The following CPSF1 variants were observed in gnomAD, a reference collection of about 807,000 sequenced individuals.
CPSF1 encodes cleavage and polyadenylation specific factor 1, also known as cleavage and polyadenylation specificity factor subunit 1.
A neutral mutation model predicts 175.8 loss-of-function variants in CPSF1; 106 were observed. The observed-to-expected ratio is 0.60, with a 90% CI of 0.52 to 0.71. CPSF1 has a LOEUF of 0.71. Among genes scored for constraint, CPSF1 ranks in the 30% least tolerant of loss-of-function variants. The pLI is 0.00. For missense variants in CPSF1, 1,734 were observed against 2,022.9 expected (o/e 0.86, Z 2.74); for synonymous variants, 1,024 against 858.3 (o/e 1.19, Z -3.37).
chr8:144,393,988 C>A lies in CPSF1; in HGVS notation c.3910G>T (p.Val1304Leu), dbSNP rs782548508. 1.3e-5 allele frequency: 21 copies of A among 1,613,378 alleles called. No individual in the cohort carries two copies. Among genetic ancestry groups the A allele is most frequent in the African/African-American group, 2.7e-5 (2 of 74,934 alleles). Residue 1304 changes from valine to leucine, a missense_variant, in exon 35 of 38, where the codon GTG becomes TTG. Val to Leu is a conservative substitution (Grantham distance 32, BLOSUM62 1). This residue lies in a region of CPSF1 where 323 missense variants were observed against 338.5 expected (regional missense o/e 0.95). Coordinates refer to ENST00000616140, the MANE Select transcript of CPSF1 (RefSeq NM_013291.3). ...CAGAACGTGTTCACGTGGGCACCCACGTGGAAGTCTGCCCGACGCAGCAGG... is the reference window on the plus strand; with the variant it reads ...CAGAACGTGTTCACGTGGGCACCCAAGTGGAAGTCTGCCCGACGCAGCAGG... The part of the protein sequence containing the change: ...MRLLRRADFH[V>L]GAHVNTFWRT...
intron 2 of CPSF1, among the ~76,000 whole-genome samples, chr8:144,403,478 G>C (rs187762926): frequency 1.1e-4 from 16 of 152,122 alleles, no homozygotes; most frequent in Non-Finnish European, 2.2e-4. Flanking sequence ...CGACCTCCTG[G>C]GCTTAGGTGA....
At chr8:144,402,451 C>CAT (rs1564696761) in intron 2 of CPSF1, among the ~76,000 whole-genome samples, 1 of 152,084 alleles carries the variant, frequency 6.6e-6, no homozygotes, top group East Asian at 1.9e-4. Flanking sequence ...ATTACAGGTG[C>CAT]GTGCCACCAT....
Position 144,399,062 on chromosome 8 carries a change from A to G in CPSF1, c.1468-24T>C. 6.4e-7 allele frequency: 1 copy of G among 1,557,864 alleles called. No homozygotes were observed. The highest frequency in any genetic ancestry group is 8.7e-7 in the Non-Finnish European group (1 of 1,151,148). On this transcript the variant is annotated intron_variant, in intron 15 of 37. Transcript: ENST00000616140. The surrounding 1 kb of genome is among the most constrained non-coding windows in gnomAD (Gnocchi z 6.4). ...AACTGCACAGGACTCGGGGGTGAGG[A>G]CTATGCCCCCCACCCCCCCTCACAC...
chr8:144,407,343 G>A (rs1358579761), intron 2 of CPSF1, among the ~76,000 whole-genome samples: 1 of 151,680 alleles, frequency 6.6e-6, no homozygotes, highest in East Asian at 1.9e-4. Context: ...GGCCTCCCAT[G>A]TAGCTAGGAC....
Position 144,400,139 on chromosome 8 carries a change from C to CCA in CPSF1, c.937+26_937+27insTG, listed in dbSNP as rs1554866060. ...GCAGGCCCAAGCCGTCCCCGGGCCC[C>CCA]CCCCGCCCCAGCCACCCCACACTCA... On this transcript the variant is annotated intron_variant, in intron 9 of 37. Coordinates refer to ENST00000616140, the MANE Select transcript of CPSF1 (RefSeq NM_013291.3). 28 of 1,221,768 alleles carry CCA rather than the reference C, an allele frequency of 2.3e-5. 1 individual carries two copies. Among genetic ancestry groups the CCA allele is most frequent in the East Asian group, 2.1e-4 (8 of 38,846 alleles). The allele number at this position is 1,221,768 out of a possible 1,614,324, so 75.7% of individuals were successfully genotyped here. A position where few individuals can be genotyped will look rare whatever the true frequency, so the allele number is the denominator to read the frequency against.
chr8:144,400,135 G>GGGGGGGGGCC, intron 9 of CPSF1, 31 bp downstream of exon 9: 3 of 896,004 alleles, frequency 3.3e-6, no homozygotes, highest in Non-Finnish European at 4.8e-6. Context: ...CCGTCCCCGG[G>GGGGGGGGGCC]CCCCCCCCGC....
At chr8:144,408,597 T>C (rs563619363) in intron 2 of CPSF1, among the ~76,000 whole-genome samples, 1 of 152,166 alleles carries the variant, frequency 6.6e-6, no homozygotes, top group Middle Eastern at 3.2e-3. Flanking sequence ...AAATACACAG[T>C]CTCCTTCCTT....
chr8:144,404,202 G>T (rs1267821228), intron 2 of CPSF1, among the ~76,000 whole-genome samples: 5 of 151,822 alleles, frequency 3.3e-5, no homozygotes, highest in African/African-American at 4.8e-5. Context: ...CAGCCTGGGG[G>T]ACAAGAGAGA....
At position 144,397,886 on chromosome 8, in the gene CPSF1, G is replaced by A. The variant is rs1820871649; in HGVS notation, c.2074-7C>T. The A allele has an allele frequency of 1.9e-6, 3 of 1,602,218 alleles. No homozygotes were observed. Among genetic ancestry groups the A allele is most frequent in the African/African-American group, 2.7e-5 (2 of 74,768 alleles). On this transcript the variant is annotated splice_region_variant and splice_polypyrimidine_tract_variant and intron_variant, in intron 20 of 37. Coordinates refer to ENST00000616140, the MANE Select transcript of CPSF1 (RefSeq NM_013291.3). ...GCGTAATCACCTTGGACTGCTGCGG[G>A]GAGAGGGGTGGGCTCAGCGGCGGGC...
chr8:144,397,116 G>C, intron 23 of CPSF1, 91 bp downstream of exon 23: 4 of 1,283,600 alleles, frequency 3.1e-6, no homozygotes, highest in Non-Finnish European at 4.3e-6. Flanking sequence ...TGGGGGAGAT[G>C]GGGTGGAGCC....
At chr8:144,397,010 G>A (rs1329051189) in intron 23 of CPSF1, 81 bp from the exon 24 acceptor site, 1 of 1,123,486 alleles carries the variant, frequency 8.9e-7, no homozygotes, top group East Asian at 2.5e-5. Context: ...GGTGGGCTGT[G>A]GGTAAGGGGC....
At position 144,394,668 on chromosome 8, in the gene CPSF1, G is replaced by A; in HGVS notation, c.3543C>T (p.His1181=). The A allele has an allele frequency of 1.2e-6, 2 of 1,610,588 alleles. No homozygotes were observed. Among genetic ancestry groups the A allele is most frequent in the Middle Eastern group, 1.6e-4 (1 of 6,062 alleles). Residue 1181 remains histidine, a synonymous_variant, in exon 31 of 38, where the codon CAC becomes CAT. Coordinates refer to ENST00000616140, the MANE Select transcript of CPSF1 (RefSeq NM_013291.3). The stretch of plus-strand genomic sequence containing the variant: ...CCTTCTGGCCGATGGCCGACACCAG[G>A]TGGCCATTGCAGTGGCACAGGGCGG... ...PVTALCHCNG[H]LVSAIGQKIF...
In CPSF1 at chr8:144,393,271, GGGGT is replaced by G; in HGVS notation, c.*43_*46del. The G allele has an allele frequency of 6.9e-7, 1 of 1,458,198 alleles. No homozygotes were observed. Among genetic ancestry groups the G allele is most frequent in the Non-Finnish European group, 9.1e-7 (1 of 1,096,426 alleles). 90.3% of individuals were successfully genotyped at this position (1,458,198 alleles called of 1,614,324 possible). ...TTTTCCTTGTGTTTTGTACAAAAAG[GGGGT>G]GGGAGGTAGTTCCGTGTGCTGGTGG... On this transcript the variant is annotated 3_prime_UTR_variant, in exon 38 of 38. Transcript: ENST00000616140.
In CPSF1 at chr8:144,398,614, T is replaced by C; in HGVS notation, c.1663A>G (p.Thr555Ala). The C allele has an allele frequency of 6.2e-7, 1 of 1,613,902 alleles. No homozygotes were observed. Among genetic ancestry groups the C allele is most frequent in the Non-Finnish European group, 8.5e-7 (1 of 1,179,998 alleles). ...GGGGTGGTGCTGGGTTCCTGCTCTG[T>C]GCCCTCCCCCTTGGGATTGTCCTCC... ...EEEDNPKGEG[T>A]EQEPSTTPEA... Residue 555 changes from threonine (T) to alanine (A), a missense_variant, in exon 18 of 38, where the codon ACA becomes GCA. Physicochemically the swap from Thr to Ala is moderately conservative, Grantham distance 58 (BLOSUM62 0). This residue lies in a region of CPSF1 where 280 missense variants were observed against 349.2 expected (regional missense o/e 0.80). Transcript: ENST00000616140.
Position 144,394,946 on chromosome 8 carries a change from A to C in CPSF1, c.3350T>G (p.Leu1117Arg). 2 of 1,612,940 alleles carry C rather than the reference A, an allele frequency of 1.2e-6. No individual in the cohort carries two copies. The highest frequency in any genetic ancestry group is 2.2e-5 in the East Asian group (1 of 44,880). The change falls in exon 30 of 38, where the codon CTC (leucine) becomes CGC (arginine). Residue 1117 changes from leucine (L) to arginine (R), a missense_variant. By Grantham distance (102) the Leu-to-Arg change is moderately radical. Transcript: ENST00000616140. ...GGTCCCGGCGGCCACGTAGCCTTTG[A>C]GGCCCGACACGGTCTCCTCACTGCG... is the stretch of plus-strand genomic sequence containing the variant. The part of the protein sequence containing the change: ...SLRSEETVSG[L>R]KGYVAAGTCL...
chr8:144,395,643 C>T, intron 26 of CPSF1, 92 bp from the exon 27 acceptor site: 2 of 1,107,428 alleles, frequency 1.8e-6, no homozygotes, highest in East Asian at 2.5e-5. Context: ...GGATGTTGCC[C>T]TCAGCTCTGT....
chr8:144,408,933 C>A, intron 2 of CPSF1, 82 bp downstream of exon 2: 1 of 1,525,980 alleles, frequency 6.6e-7, no homozygotes, highest in Non-Finnish European at 8.9e-7. Flanking sequence ...TTGTCTGGGG[C>A]TTGGCTCTTC....
rs2116852514 is a variant in CPSF1 at position 144,398,573 on chromosome 8, G to T, written c.1704C>A (p.Asp568Glu). 6.2e-7 allele frequency: 1 copy of T among 1,613,582 alleles called. No individual in the cohort carries two copies. Among genetic ancestry groups the T allele is most frequent in the African/African-American group, 1.3e-5 (1 of 74,856 alleles). The change falls in exon 18 of 38, where the codon GAC becomes GAA. Residue 568 changes from aspartate (D) to glutamate (E), a missense_variant. By Grantham distance (45) the Asp-to-Glu change is conservative (BLOSUM62 2). Around this residue, in one of 10 missense-constraint regions of CPSF1, gnomAD observed 280 missense variants for 349.2 expected, o/e 0.80. Transcript: ENST00000616140. ...EPSTTPEADDDGRRHGFLILS... is the reference protein window; with the variant it reads ...EPSTTPEADDEGRRHGFLILS... ...GAATCAGGAATCCGTGTCTGCGGCC[G>T]TCGTCGTCTGCTTCAGGGGTGGTGC... is the stretch of plus-strand genomic sequence containing the variant.
rs2116909007 is a variant in CPSF1, at chr8:144,407,630, C to T, written c.144+1385G>A. On this transcript the variant is annotated intron_variant, in intron 2 of 37. Coordinates refer to ENST00000616140, the MANE Select transcript of CPSF1 (RefSeq NM_013291.3). ...ACAAGAATTGCCTGAACCCACGAGG[C>T]GGAGGTTAAAGTTAGCTGAGATCAC... is the stretch of plus-strand genomic sequence containing the variant. Among the ~76,000 whole-genome samples, 192 of 151,974 alleles carry T rather than the reference C, an allele frequency of 1.3e-3. 2 individuals carry two copies. Among genetic ancestry groups the T allele is most frequent in the Non-Finnish European group, 2.4e-3 (160 of 68,010 alleles).
Sources: gnomAD v4.1 joint callset for allele counts (sites outside exome capture counted in the v4.1 genomes callset) on GRCh38, gnomAD v4.1.1 for gene constraint, gnomAD v4.1.1 regional missense constraint, Gnocchi (gnomAD v3.1) non-coding constraint, MANE v1.5 for transcripts, NCBI Gene and HGNC (gene_info 2026-07-23, HGNC 2026-07-21) for gene names.